The following TBC1D5 variants were observed in gnomAD, a reference collection of about 807,000 sequenced individuals.
TBC1D5 encodes the protein TBC1 domain family, member 5.
A neutral mutation model predicts 100.3 loss-of-function variants in TBC1D5; 75 were observed. The observed-to-expected ratio is 0.75, with a 90% CI of 0.62 to 0.91. The LOEUF (loss-of-function observed/expected upper bound fraction) is 0.91. Among genes scored for constraint, TBC1D5 ranks in the 40% least tolerant of loss-of-function variants. The pLI is 0.00. For missense variants in TBC1D5, 910 were observed against 942.4 expected (o/e 0.97, Z 0.45); for synonymous variants, 323 against 325.6 (o/e 0.99, Z 0.09).
At chr3:17,225,431 C>T (rs1576103078) in intron 17 of TBC1D5, among the ~76,000 whole-genome samples, 1 of 128,478 alleles carries the variant, frequency 7.8e-6, no homozygotes, top group African/African-American at 3.1e-5. Flanking sequence ...AAGAGTGAGA[C>T]TCGGTCTCAA....
intron 2 of TBC1D5, among the ~76,000 whole-genome samples, chr3:17,589,533 CTT>C (rs1257592307): frequency 2.0e-5 from 3 of 152,212 alleles, no homozygotes; most frequent in Admixed American, 6.5e-5. Context: ...GATCTTGACT[CTT>C]GTCTGCCGCC....
At chr3:17,523,316 A>C (rs1052972173) in intron 2 of TBC1D5, among the ~76,000 whole-genome samples, 1 of 152,214 alleles carries the variant, frequency 6.6e-6, no homozygotes, top group Non-Finnish European at 1.5e-5. Context: ...CAGGAAATAG[A>C]GATGAGAAGA....
chr3:17,252,844 C>T (rs1376790596), intron 16 of TBC1D5, among the ~76,000 whole-genome samples: 1 of 152,150 alleles, frequency 6.6e-6, no homozygotes, highest in Non-Finnish European at 1.5e-5. Flanking sequence ...TCTCTCAATA[C>T]CTGGCACAGA....
intron 13 of TBC1D5, among the ~76,000 whole-genome samples, chr3:17,367,159 GATA>G (rs1237069641): frequency 1.3e-5 from 2 of 152,152 alleles, no homozygotes; most frequent in Non-Finnish European, 1.5e-5. Flanking sequence ...ATTTAAAAGT[GATA>G]ATAAAACAGT....
chr3:17,540,705 G>A (rs2096343421), intron 2 of TBC1D5, among the ~76,000 whole-genome samples: 1 of 151,654 alleles, frequency 6.6e-6, no homozygotes, highest in South Asian at 2.1e-4. Context: ...TCAAGAGATC[G>A]AGACCATCCT....
intron 1 of TBC1D5, among the ~76,000 whole-genome samples, chr3:17,735,560 A>C (rs1220226299): frequency 6.6e-6 from 1 of 152,204 alleles, no homozygotes; most frequent in East Asian, 1.9e-4. Context: ...ACAGATTCCA[A>C]GGAATGGAAC....
At chr3:17,402,353 C>T (rs1258869298) in intron 8 of TBC1D5, among the ~76,000 whole-genome samples, 1 of 152,102 alleles carries the variant, frequency 6.6e-6, no homozygotes, top group Non-Finnish European at 1.5e-5. Context: ...ACCAGAGATA[C>T]TCACGATTCT....
chr3:17,721,105 T>G (rs950550212), intron 1 of TBC1D5, among the ~76,000 whole-genome samples: 4 of 151,950 alleles, frequency 2.6e-5, no homozygotes, highest in Admixed American at 2.6e-4. Context: ...CCTCCCAAAG[T>G]GCTGGGATTA....
intron 16 of TBC1D5, among the ~76,000 whole-genome samples, chr3:17,244,336 A>T (rs2076549159): frequency 6.6e-6 from 1 of 152,208 alleles, no homozygotes; most frequent in Non-Finnish European, 1.5e-5. Flanking sequence ...CATCACTCAG[A>T]CAAAAGGACC....
chr3:17,520,674 CAAAT>C (rs1220149684), intron 2 of TBC1D5, among the ~76,000 whole-genome samples: 2 of 151,550 alleles, frequency 1.3e-5, no homozygotes, highest in African/African-American at 4.9e-5. Flanking sequence ...AATGGGTTGC[CAAAT>C]AAATAAATAT....
intron 14 of TBC1D5, among the ~76,000 whole-genome samples, chr3:17,300,138 T>G (rs1207534415): frequency 6.6e-6 from 1 of 152,152 alleles, no homozygotes; most frequent in Admixed American, 6.6e-5. Context: ...AGATATAAAG[T>G]AGTATAAACG....
chr3:17,552,417 G>A (rs2153452331), intron 2 of TBC1D5, among the ~76,000 whole-genome samples: 1 of 152,196 alleles, frequency 6.6e-6, no homozygotes, highest in African/African-American at 2.4e-5. Flanking sequence ...AGCACACTAA[G>A]GATGTATAGG....
rs745914258 is a variant in TBC1D5, at chr3:17,166,785, C to T, written c.2076G>A (p.Met692Ile). The T allele has an allele frequency of 1.2e-5, 20 of 1,611,664 alleles. No homozygotes were observed. Among genetic ancestry groups the T allele is most frequent in the Admixed American group, 1.2e-4 (7 of 59,248 alleles). ...TCTGTACCTGTTTAATGGCCCCTGA[C>T]ATTTGAACGCTCTGGCCTTGGCCTC... is the stretch of plus-strand genomic sequence containing the variant. The change falls in exon 21 of 22, where the codon ATG (methionine) becomes ATA (isoleucine). Residue 692 changes from methionine to isoleucine, a missense_variant. Physicochemically the swap from Met to Ile is conservative, Grantham distance 10. Transcript: ENST00000253692.
intron 18 of TBC1D5, among the ~76,000 whole-genome samples, chr3:17,186,134 A>G (rs141145330): frequency 7.2e-5 from 11 of 152,160 alleles, no homozygotes; most frequent in Middle Eastern, 3.4e-3. Flanking sequence ...CAGGGCTGGA[A>G]TAGGCTAGAA....
chr3:17,217,744 C>T (rs544198451), intron 17 of TBC1D5, among the ~76,000 whole-genome samples: 176 of 152,142 alleles, frequency 1.2e-3, no homozygotes, highest in Admixed American at 1.7e-3. Context: ...TGTAAGTGCT[C>T]TTCATATGTT....
chr3:17,542,699 T>C (rs937918092), intron 2 of TBC1D5, among the ~76,000 whole-genome samples: 7 of 152,230 alleles, frequency 4.6e-5, no homozygotes, highest in Non-Finnish European at 7.3e-5. Context: ...GTGCTTTTTC[T>C]GCATCTATTG....
intron 1 of TBC1D5, among the ~76,000 whole-genome samples, chr3:17,637,433 T>C (rs1265861242): frequency 6.6e-6 from 1 of 151,652 alleles, no homozygotes; most frequent in African/African-American, 2.4e-5. Context: ...AATATGACTA[T>C]GCAAAAATTT....
At chr3:17,254,413 T>A (rs2077445965) in intron 16 of TBC1D5, among the ~76,000 whole-genome samples, 1 of 152,160 alleles carries the variant, frequency 6.6e-6, no homozygotes, top group East Asian at 1.9e-4. Flanking sequence ...TCCATTATAG[T>A]TGGTATGAAA....
At chr3:17,357,690 T>C (rs1229296720) in intron 13 of TBC1D5, among the ~76,000 whole-genome samples, 1 of 152,232 alleles carries the variant, frequency 6.6e-6, no homozygotes, top group African/African-American at 2.4e-5. Flanking sequence ...AAATATTTCC[T>C]ATGCAACAGG....
Sources: allele counts gnomAD v4.1 joint callset (sites outside exome capture counted in the v4.1 genomes callset), GRCh38; gene constraint gnomAD v4.1.1; transcripts MANE v1.5; gene names NCBI Gene and HGNC (gene_info 2026-07-23, HGNC 2026-07-21).